FAR2: variants seen among roughly 807,000 people sequenced by gnomAD.
FAR2 encodes the protein epididymis secretory protein Li 81.
A neutral mutation model predicts 56.0 loss-of-function variants in FAR2; 19 were observed. The ratio of observed to expected loss-of-function variants is 0.34; its 90% CI spans 0.24 to 0.50. The LOEUF (loss-of-function observed/expected upper bound fraction) is 0.50, where lower values mean the gene tolerates loss of function less well. FAR2 is among the 20% of genes least tolerant of loss of function. FAR2 has a pLI of 0.98. For synonymous variants in FAR2, 219 were observed against 218.8 expected (o/e 1.00, Z -0.01); for missense variants, 508 against 642.2 (o/e 0.79, Z 2.26).
At chr12:29,229,505 A>T (rs895414506) in intron 1 of FAR2, among the ~76,000 whole-genome samples, 18 of 152,126 alleles carry the variant, frequency 1.2e-4, no homozygotes, top group African/African-American at 4.1e-4. Flanking sequence ...TCTGTTTTTA[A>T]AAAAGAAACT....
At position 29,308,056 on chromosome 12, in the gene FAR2, C is replaced by T. The variant is rs555186937; in HGVS notation, c.723+221C>T. Reference sequence around the variant, plus strand: ...TTATCTTGACTGCCCTAGAGTTGGACGGAGAGCTTAAATTAGCTTCTAACT... The same window carrying T: ...TTATCTTGACTGCCCTAGAGTTGGATGGAGAGCTTAAATTAGCTTCTAACT... On this transcript the variant is annotated intron_variant, in intron 5 of 11. Transcript: ENST00000536681. 143 of 435,294 alleles carry T rather than the reference C, an allele frequency of 3.3e-4. 1 individual carries two copies. The Middle Eastern group carries it at 3.7e-3, about 11-fold the overall frequency. 27.0% of individuals were successfully genotyped at this position (435,294 alleles called of 1,614,324 possible).
At chr12:29,164,730 T>C (rs1323734013) in intron 1 of FAR2, among the ~76,000 whole-genome samples, 1 of 152,210 alleles carries the variant, frequency 6.6e-6, no homozygotes, top group African/African-American at 2.4e-5. Context: ...TCTAGTTGCA[T>C]GACTTTGACG....
chr12:29,303,979 G>A (rs1185785244), intron 4 of FAR2, among the ~76,000 whole-genome samples: 1 of 152,136 alleles, frequency 6.6e-6, no homozygotes, highest in African/African-American at 2.4e-5. Flanking sequence ...AGTCTTGAGG[G>A]AAATACAGAG....
intron 10 of FAR2, among the ~76,000 whole-genome samples, chr12:29,329,727 G>C (rs1949703332): frequency 6.6e-6 from 1 of 152,108 alleles, no homozygotes; most frequent in Admixed American, 6.5e-5. Context: ...AATCGCATCT[G>C]CTCTCTTTAT....
chr12:29,293,497 A>G, intron 3 of FAR2, 22 bp downstream of exon 3: 6 of 1,491,324 alleles, frequency 4.0e-6, no homozygotes, highest in Non-Finnish European at 5.4e-6. Flanking sequence ...TTTCCCTCTC[A>G]TGGCTTGTAT....
At chr12:29,244,259 A>C (rs1337573202) in intron 1 of FAR2, among the ~76,000 whole-genome samples, 1 of 152,216 alleles carries the variant, frequency 6.6e-6, no homozygotes, top group Non-Finnish European at 1.5e-5. Context: ...AGAATGTGCC[A>C]ATGAACACAT....
intron 1 of FAR2, among the ~76,000 whole-genome samples, chr12:29,229,105 T>C (rs1019751127): frequency 6.6e-6 from 1 of 152,208 alleles, no homozygotes; most frequent in East Asian, 1.9e-4. Flanking sequence ...CCGCTGAGTA[T>C]GGCAAGCTGA....
At chr12:29,169,017 G>A (rs1302672579) in intron 1 of FAR2, among the ~76,000 whole-genome samples, 2 of 152,182 alleles carry the variant, frequency 1.3e-5, no homozygotes, top group African/African-American at 4.8e-5. Context: ...CACTGATTTG[G>A]TGCGTTTTTA....
chr12:29,213,621 C>T (rs535783730), intron 1 of FAR2, among the ~76,000 whole-genome samples: 8 of 146,242 alleles, frequency 5.5e-5, no homozygotes, highest in African/African-American at 1.5e-4. Context: ...ATCCGGGAGA[C>T]GGAGGTTGCA....
At position 29,262,134 on chromosome 12, in the gene FAR2, C is replaced by G. The variant is rs922285123; in HGVS notation, c.-38-8278C>G. On this transcript the variant is annotated intron_variant, in intron 1 of 11. Transcript: ENST00000536681. The stretch of plus-strand genomic sequence containing the variant: ...TCAAGACATAGCCAATACAATAATA[C>G]ATAAAAAGAAAAAGTTAAAAAGTGG... 2.0e-5 allele frequency among the ~76,000 whole-genome samples: 3 copies of G among 151,490 alleles called. No individual in the cohort carries two copies. The East Asian group carries it at 5.8e-4, about 29-fold the overall frequency.
intron 2 of FAR2, 37 bp from the exon 3 acceptor site, chr12:29,293,263 G>T: frequency 7.0e-7 from 1 of 1,436,766 alleles, no homozygotes; most frequent in Non-Finnish European, 9.3e-7. Context: ...TAATGATGGT[G>T]CTATTTTTTG....
chr12:29,152,590 G>T (rs1199769407), intron 1 of FAR2, among the ~76,000 whole-genome samples: 2 of 152,228 alleles, frequency 1.3e-5, no homozygotes, highest in Non-Finnish European at 2.9e-5. Flanking sequence ...CACTAGAAGG[G>T]ATGAATGGAG....
intron 10 of FAR2, among the ~76,000 whole-genome samples, chr12:29,329,661 A>T (rs1251215648): frequency 6.6e-6 from 1 of 152,224 alleles, no homozygotes; most frequent in Non-Finnish European, 1.5e-5. Flanking sequence ...GTGATAATGG[A>T]ATTTCTTTCA....
intron 10 of FAR2, among the ~76,000 whole-genome samples, chr12:29,329,063 G>A (rs1047598658): frequency 3.9e-5 from 6 of 151,960 alleles, no homozygotes; most frequent in African/African-American, 1.4e-4. Flanking sequence ...ATTATATTAG[G>A]CACAAAAGGC....
intron 9 of FAR2, among the ~76,000 whole-genome samples, chr12:29,321,473 CA>C (rs1311731362): frequency 6.6e-6 from 1 of 152,036 alleles, no homozygotes; most frequent in Non-Finnish European, 1.5e-5. Flanking sequence ...CATCAGAATT[CA>C]AAAAATGAAC....
At chr12:29,204,014 A>AG (rs1565469947) in intron 1 of FAR2, among the ~76,000 whole-genome samples, 7 of 149,826 alleles carry the variant, frequency 4.7e-5, no homozygotes, top group Admixed American at 2.0e-4. Context: ...AAAAAAAAAA[A>AG]AAAAAAAAAG....
rs1484379944 is a variant in FAR2, at chr12:29,307,668, G to A, written c.556G>A (p.Asp186Asn). The change falls in exon 5 of 12, where the codon GAT becomes AAT. Residue 186 changes from aspartate (D) to asparagine (N), a missense_variant. Coordinates refer to ENST00000536681, the MANE Select transcript of FAR2 (RefSeq NM_001271783.2). ...TACTCTACCTTTTAGGTGGTTAGAC[G>A]ATGCTATTATTGACGAGATTACACC... ...KIIDSLEWLD[D>N]AIIDEITPKL... is the part of the protein sequence containing the mutation. 5 of 1,609,718 alleles carry A rather than the reference G, an allele frequency of 3.1e-6. No individual in the cohort carries two copies. Among genetic ancestry groups the A allele is most frequent in the African/African-American group, 2.7e-5 (2 of 74,628 alleles).
intron 1 of FAR2, among the ~76,000 whole-genome samples, chr12:29,187,634 AT>A (rs1950056155): frequency 6.6e-6 from 1 of 152,196 alleles, no homozygotes; most frequent in African/African-American, 2.4e-5. Flanking sequence ...TAAAAAGAGA[AT>A]AAAATAAATG....
chr12:29,170,843 C>T (rs1949878886), intron 1 of FAR2, among the ~76,000 whole-genome samples: 1 of 152,226 alleles, frequency 6.6e-6, no homozygotes, highest in African/African-American at 2.4e-5. Flanking sequence ...CTGCTGTTCT[C>T]CCCTCACCTT....
Sources: allele counts gnomAD v4.1 joint callset (sites outside exome capture counted in the v4.1 genomes callset), GRCh38; gene constraint gnomAD v4.1.1; transcripts MANE v1.5; gene names NCBI Gene and HGNC (gene_info 2026-07-23, HGNC 2026-07-21).